The following MAML3 variants were observed in gnomAD, a reference collection of about 807,000 sequenced individuals.
The protein encoded by MAML3 is mastermind-like protein 3.
Under a neutral mutation model 101.9 loss-of-function variants are expected in MAML3, and 27 were observed. That is an observed-to-expected ratio of 0.27 (90% confidence interval 0.20 to 0.37). The LOEUF is 0.37. MAML3 is among the 10% of genes least tolerant of loss of function. MAML3 has a pLI of 1.00. For missense variants in MAML3, 1,316 were observed against 1,444.9 expected, an observed-to-expected ratio of 0.91 and a Z score of 1.45; for synonymous variants, 501 against 555.9, an observed-to-expected ratio of 0.90 and a Z score of 1.39.
chr4:139,893,006 A>AC (rs2111202508), intron 1 of MAML3, among the ~76,000 whole-genome samples: 2 of 150,366 alleles, frequency 1.3e-5, no homozygotes, highest in South Asian at 4.2e-4. Flanking sequence ...TTCCAGGCTC[A>AC]CCTTTTTGCC....
chr4:139,911,720 C>T (rs898607582), intron 1 of MAML3, among the ~76,000 whole-genome samples: 1 of 151,982 alleles, frequency 6.6e-6, no homozygotes, highest in African/African-American at 2.4e-5. Context: ...ATAAGAGGCC[C>T]CAGAGATCCC....
chr4:140,153,459 C>A lies in MAML3; in HGVS notation c.-132G>T. 9.6e-7 allele frequency: 1 copy of A among 1,037,340 alleles called. No individual in the cohort carries two copies. The highest frequency in any genetic ancestry group is 3.3e-5 in the East Asian group (1 of 30,034). The allele number at this position is 1,037,340 out of a possible 1,614,324, so 64.3% of individuals were successfully genotyped here. A position where few individuals can be genotyped will look rare whatever the true frequency, so the allele number is the denominator to read the frequency against. On this transcript the variant is annotated 5_prime_UTR_variant, in exon 1 of 5. Coordinates refer to ENST00000509479, the MANE Select transcript of MAML3 (RefSeq NM_018717.5). The stretch of plus-strand genomic sequence containing the variant: ...GACGCAAGCACATGGATGGAAACGG[C>A]GATCCCGACGGGGCGAAAAAAACGG...
In MAML3 at chr4:140,065,924, C is replaced by G. The variant is rs185747327; in HGVS notation, c.468+86936G>C. 4.6e-5 allele frequency among the ~76,000 whole-genome samples: 7 copies of G among 152,314 alleles called. No homozygotes were observed. The East Asian group carries it at 1.2e-3, about 25-fold the overall frequency. ...AGAGGCTGCTCAATAAATATCTGCT[C>G]CATGCATAAATGACATCCTAACTTT... is the stretch of plus-strand genomic sequence containing the variant. On this transcript the variant is annotated intron_variant, in intron 1 of 4. Transcript: ENST00000509479.
intron 1 of MAML3, among the ~76,000 whole-genome samples, chr4:139,956,749 A>G (rs1733924092): frequency 6.6e-6 from 1 of 152,196 alleles, no homozygotes. Context: ...AGATTTCTCC[A>G]CACAGGAAAG....
At chr4:139,892,775 C>A (rs1027076019) in intron 1 of MAML3, among the ~76,000 whole-genome samples, 21 of 151,608 alleles carry the variant, frequency 1.4e-4, no homozygotes, top group Admixed American at 1.3e-3. Flanking sequence ...AAAAAAAATT[C>A]AAAAAATTAG....
At chr4:139,758,573 A>G (rs1316996306) in intron 2 of MAML3, among the ~76,000 whole-genome samples, 1 of 152,140 alleles carries the variant, frequency 6.6e-6, no homozygotes, top group Non-Finnish European at 1.5e-5. Flanking sequence ...CAAGCTCTTG[A>G]CATGAGAGTT....
At chr4:139,948,087 C>T (rs142050463) in intron 1 of MAML3, among the ~76,000 whole-genome samples, 6,733 of 141,944 alleles carry the variant, frequency 0.047, 531 homozygotes, top group African/African-American at 0.18. Context: ...GCAACAAGAG[C>T]GAGACTCCAT....
chr4:139,757,712 T>C (rs1470283831), intron 2 of MAML3, among the ~76,000 whole-genome samples: 1 of 149,606 alleles, frequency 6.7e-6, no homozygotes. Flanking sequence ...CTCTCCAGCC[T>C]CATCTGTTGA....
At chr4:140,067,382 T>C (rs1727556859) in intron 1 of MAML3, among the ~76,000 whole-genome samples, 1 of 152,202 alleles carries the variant, frequency 6.6e-6, no homozygotes, top group Non-Finnish European at 1.5e-5. Context: ...ACACAGATTC[T>C]AGAGAAGTGC....
intron 2 of MAML3, among the ~76,000 whole-genome samples, chr4:139,808,168 T>C (rs1167637477): frequency 6.6e-6 from 1 of 152,238 alleles, no homozygotes; most frequent in Non-Finnish European, 1.5e-5. Flanking sequence ...TTCCAGCTAT[T>C]TTCATAACAT....
In MAML3 at chr4:139,864,932, T is replaced by TTG. The variant is rs1560818197; in HGVS notation, c.2079+24424_2079+24425insCA. Among the ~76,000 whole-genome samples, 6 of 140,634 alleles carry TTG rather than the reference T, an allele frequency of 4.3e-5. No individual in the cohort carries two copies. In the East Asian group the frequency reaches 1.2e-3, roughly 29 times the overall value. The allele number at this position is 140,634 out of a possible 152,430, so 92.3% of individuals were successfully genotyped here. A position where few individuals can be genotyped will look rare whatever the true frequency, so the allele number is the denominator to read the frequency against. On this transcript the variant is annotated intron_variant, in intron 2 of 4. Transcript: ENST00000509479. ...TAGTAATGCAAACTTGCTTTTTTTT[T>TTG]TTTTTTTTTTTTTTTTTTTTTGCCA...
At chr4:139,939,049 C>T (rs1240668290) in intron 1 of MAML3, among the ~76,000 whole-genome samples, 1 of 152,214 alleles carries the variant, frequency 6.6e-6, no homozygotes, top group Non-Finnish European at 1.5e-5. Context: ...CTACAAACAG[C>T]TTTATTTCTT....
intron 1 of MAML3, among the ~76,000 whole-genome samples, chr4:139,989,315 A>C (rs1341686813): frequency 6.6e-6 from 1 of 152,158 alleles, no homozygotes; most frequent in Non-Finnish European, 1.5e-5. Context: ...GAATTAATGA[A>C]ATAATGAGGT....
At position 139,921,787 on chromosome 4, in the gene MAML3, G is replaced by A. The variant is rs560961504; in HGVS notation, c.469-30820C>T. 1.2e-4 allele frequency among the ~76,000 whole-genome samples: 18 copies of A among 152,200 alleles called. 1 individual carries two copies. The highest frequency in any genetic ancestry group is 6.2e-4 in the South Asian group (3 of 4,810). ...TGCCAGCACTACAGAGCACCAAATG[G>A]GCTGGCACTGCCTTGTTTCCTGGCC... is the stretch of plus-strand genomic sequence containing the variant. On this transcript the variant is annotated intron_variant, in intron 1 of 4. Transcript: ENST00000509479.
In MAML3 at chr4:139,826,479, C is replaced by T. The variant is rs76757800; in HGVS notation, c.2079+62878G>A. On this transcript the variant is annotated intron_variant, in intron 2 of 4. Coordinates refer to ENST00000509479, the MANE Select transcript of MAML3 (RefSeq NM_018717.5). Reference sequence around the variant, plus strand: ...ATAACTAGGGACCTTGGGAAAGACACCTGAACAAAACATGGGTAGTATGGA... The same window carrying T: ...ATAACTAGGGACCTTGGGAAAGACATCTGAACAAAACATGGGTAGTATGGA... 9.9e-5 allele frequency among the ~76,000 whole-genome samples: 15 copies of T among 152,274 alleles called. No homozygotes were observed. The East Asian group carries it at 2.9e-3, about 29-fold the overall frequency.
intron 1 of MAML3, among the ~76,000 whole-genome samples, chr4:139,979,143 A>T (rs1263112489): frequency 6.6e-6 from 1 of 152,210 alleles, no homozygotes; most frequent in East Asian, 1.9e-4. Context: ...CTGCAAGGAA[A>T]GTATTAGTTT....
chr4:140,010,890 G>T (rs544732427), intron 1 of MAML3, among the ~76,000 whole-genome samples: 2 of 151,994 alleles, frequency 1.3e-5, no homozygotes, highest in African/African-American at 4.8e-5. Context: ...ATCACTTGAG[G>T]TCAGGAGTTC....
chr4:139,733,955 A>T (rs1728825481), intron 2 of MAML3, among the ~76,000 whole-genome samples: 1 of 152,144 alleles, frequency 6.6e-6, no homozygotes, highest in Non-Finnish European at 1.5e-5. Flanking sequence ...GCCTCCCAAA[A>T]TGTTGGGATT....
chr4:140,106,674 T>G (rs1728357624), intron 1 of MAML3, among the ~76,000 whole-genome samples: 1 of 152,248 alleles, frequency 6.6e-6, no homozygotes, highest in Non-Finnish European at 1.5e-5. Flanking sequence ...TTAATGGCTT[T>G]AATGTTTACC....
Sources: gnomAD v4.1 joint callset for allele counts (sites outside exome capture counted in the v4.1 genomes callset) on GRCh38, gnomAD v4.1.1 for gene constraint, MANE v1.5 for transcripts, NCBI Gene and HGNC (gene_info 2026-07-23, HGNC 2026-07-21) for gene names.